Variants in PTBP2 observed in about 807,000 individuals in gnomAD.
PTBP2 encodes polypyrimidine tract-binding protein 2.
Under a neutral mutation model 61.4 loss-of-function variants are expected in PTBP2, and 13 were observed. That is an observed-to-expected ratio of 0.21 (90% CI 0.14 to 0.34). PTBP2 has a LOEUF of 0.34. PTBP2 is among the 10% of genes least tolerant of loss of function. The pLI is 1.00. For missense variants in PTBP2, 405 were observed against 642.6 expected, an observed-to-expected ratio of 0.63 and a Z score of 4.00; for synonymous variants, 215 against 218.5, an observed-to-expected ratio of 0.98 and a Z score of 0.14.
chr1:96,778,195 C>T (rs889416021), intron 7 of PTBP2, among the ~76,000 whole-genome samples: 1 of 132,522 alleles, frequency 7.5e-6, no homozygotes, highest in Non-Finnish European at 1.6e-5. Flanking sequence ...AATTTAAGGA[C>T]AAAAGTTTGT....
chr1:96,742,030 T>C (rs1653101523), intron 2 of PTBP2, among the ~76,000 whole-genome samples: 1 of 152,230 alleles, frequency 6.6e-6, no homozygotes, highest in African/African-American at 2.4e-5. Context: ...TTCAAAATTG[T>C]CTTGGTGTTT....
At chr1:96,799,294 C>CTTTTATTTTTTTTTTTTTTT (rs1660725695) in intron 8 of PTBP2, among the ~76,000 whole-genome samples, 1 of 92,198 alleles carries the variant, frequency 1.1e-5, no homozygotes, top group African/African-American at 4.8e-5. Context: ...ATAGATCAAG[C>CTTTTATTTTTTTTTTTTTTT]TTTTTTTTTT....
intron 5 of PTBP2, among the ~76,000 whole-genome samples, chr1:96,774,919 C>T (rs548079374): frequency 6.6e-6 from 1 of 152,266 alleles, no homozygotes; most frequent in East Asian, 1.9e-4. Flanking sequence ...TGTAACCTGG[C>T]ATGTTTTCTC....
At chr1:96,757,641 C>T (rs987913615) in intron 3 of PTBP2, among the ~76,000 whole-genome samples, 2 of 152,082 alleles carry the variant, frequency 1.3e-5, no homozygotes, top group Non-Finnish European at 2.9e-5. Context: ...AAAATAACTT[C>T]AAGTGTACAT....
intron 2 of PTBP2, among the ~76,000 whole-genome samples, chr1:96,726,633 T>C (rs1650576263): frequency 6.6e-6 from 1 of 152,098 alleles, no homozygotes; most frequent in African/African-American, 2.4e-5. Context: ...GAGACAGAGT[T>C]TCACCATGTT....
chr1:96,733,001 TTAC>T (rs1651644797), intron 2 of PTBP2, among the ~76,000 whole-genome samples: 1 of 150,978 alleles, frequency 6.6e-6, no homozygotes, highest in Non-Finnish European at 1.5e-5. Context: ...AAGTAGCTCA[TTAC>T]TCTGCTTTCT....
chr1:96,770,610 T>G (rs1657269114), intron 4 of PTBP2, 98 bp from the exon 5 acceptor site: 1 of 1,041,126 alleles, frequency 9.6e-7, no homozygotes, highest in African/African-American at 1.6e-5. Context: ...TGAAGGATTA[T>G]ATTCTAGATA....
At chr1:96,804,767 G>A (rs769155152) in intron 8 of PTBP2, 33 bp from the exon 9 acceptor site, 2 of 1,578,562 alleles carry the variant, frequency 1.3e-6, no homozygotes, top group South Asian at 2.3e-5. Flanking sequence ...CGTAAAATAT[G>A]CTTTATTTTA....
exon 14 of PTBP2, chr1:96,822,556 A>G (rs1173224347): frequency 6.6e-6 from 1 of 152,190 alleles, no homozygotes; most frequent in Non-Finnish European, 1.5e-5. Context: ...TAGTGAATTT[A>G]TGTTCATTAA....
At chr1:96,771,248 T>A (rs1251267961) in intron 5 of PTBP2, 1 of 155,132 alleles carries the variant, frequency 6.4e-6, no homozygotes, top group Non-Finnish European at 1.4e-5. Context: ...ATGGTTTTCC[T>A]GGAAAAGAAA....
intron 2 of PTBP2, among the ~76,000 whole-genome samples, chr1:96,741,740 A>T (rs946360300): frequency 1.3e-5 from 2 of 152,012 alleles, no homozygotes; most frequent in African/African-American, 2.4e-5. Flanking sequence ...TAAAATTTTG[A>T]TTTTCACATT....
chr1:96,810,765 CAA>C (rs1459417505), intron 11 of PTBP2, among the ~76,000 whole-genome samples: 2 of 152,100 alleles, frequency 1.3e-5, no homozygotes, highest in African/African-American at 2.4e-5. Flanking sequence ...TTTATCTAAA[CAA>C]AAGTTTGTTC....
intron 3 of PTBP2, among the ~76,000 whole-genome samples, chr1:96,759,991 C>G (rs1372668296): frequency 2.6e-5 from 4 of 152,112 alleles, no homozygotes; most frequent in African/African-American, 7.2e-5. Context: ...GAAACTCTCC[C>G]CTTTTTAAAA....
chr1:96,740,640 A>G (rs1192783870), intron 2 of PTBP2, among the ~76,000 whole-genome samples: 1 of 152,170 alleles, frequency 6.6e-6, no homozygotes, highest in African/African-American at 2.4e-5. Context: ...TACCATTCCC[A>G]TAAATTTCTC....
intron 2 of PTBP2, among the ~76,000 whole-genome samples, chr1:96,745,114 CAAAT>C (rs998142640): frequency 6.0e-5 from 9 of 150,540 alleles, no homozygotes; most frequent in African/African-American, 2.2e-4. Context: ...ACCTGTCACT[CAAAT>C]AAAAAAACTT....
rs114856001 is a variant in PTBP2 at position 96,746,852 on chromosome 1, C to T, written c.40-4573C>T. 7.9e-3 allele frequency among the ~76,000 whole-genome samples: 685 copies of T among 87,006 alleles called. 27 individuals are homozygous for T. Among genetic ancestry groups the T allele is most frequent in the Non-Finnish European group, 0.012 (531 of 45,706 alleles). The allele number at this position is 87,006 out of a possible 152,430, so 57.1% of individuals were successfully genotyped here. On this transcript the variant is annotated intron_variant, in intron 2 of 13. Coordinates refer to ENST00000674951, the MANE Select transcript of PTBP2 (RefSeq NM_021190.4). The stretch of plus-strand genomic sequence containing the variant: ...GTCTGTCTGTCTCCCTCCCTCCCTC[C>T]CCCTCCCTCCGTCCGTCTGTCCCTC...
chr1:96,765,007 G>T (rs576379590), intron 3 of PTBP2, among the ~76,000 whole-genome samples: 2 of 152,302 alleles, frequency 1.3e-5, no homozygotes, highest in South Asian at 4.1e-4. Flanking sequence ...CAACAGAATA[G>T]CAGAAGTACC....
chr1:96,795,300 T>A (rs1170179621), intron 8 of PTBP2, among the ~76,000 whole-genome samples: 1 of 152,122 alleles, frequency 6.6e-6, no homozygotes, highest in Admixed American at 6.5e-5. Context: ...AAAATGAGAA[T>A]GCAAAGTAAG....
chr1:96,800,664 A>G (rs1290153124), intron 8 of PTBP2, among the ~76,000 whole-genome samples: 2 of 152,116 alleles, frequency 1.3e-5, no homozygotes, highest in Admixed American at 1.3e-4. Context: ...AGCCCAGAAG[A>G]TAGAAACAGC....
Sources: allele counts gnomAD v4.1 joint callset (sites outside exome capture counted in the v4.1 genomes callset), GRCh38; gene constraint gnomAD v4.1.1; transcripts MANE v1.5; gene names NCBI Gene and HGNC (gene_info 2026-07-23, HGNC 2026-07-21).